PPARD: variants seen among roughly 807,000 people sequenced by gnomAD.
PPARD encodes the protein peroxisome proliferator-activated receptor delta.
PPARD carries 6 observed loss-of-function variants against 39.5 expected under a neutral mutation model. The ratio of observed to expected loss-of-function variants is 0.15; its 90% CI spans 0.08 to 0.30. The LOEUF (loss-of-function observed/expected upper bound fraction) is 0.30. Among genes scored for constraint, PPARD ranks in the 10% least tolerant of loss-of-function variants. The probability of loss-of-function intolerance (pLI) is 1.00; values close to 1 mark genes in which losing one functional copy is unlikely to be tolerated. For missense variants in PPARD, 397 were observed against 596.8 expected (o/e 0.67, Z 3.49); for synonymous variants, 210 against 231.3 (o/e 0.91, Z 0.83).
rs540687692 is a variant in PPARD, at chr6:35,377,871, C to CTTTTTTTTTTTTTTTTT, written c.-102+30732_-102+30733insTTTTTTTTTTTTTTTTT. 3.5e-4 allele frequency among the ~76,000 whole-genome samples: 42 copies of CTTTTTTTTTTTTTTTTT among 120,350 alleles called. 1 individual carries two copies. The highest frequency in any genetic ancestry group is 7.9e-4 in the African/African-American group (18 of 22,814). 79.0% of individuals were successfully genotyped at this position (120,350 alleles called of 152,430 possible). A position where few individuals can be genotyped will look rare whatever the true frequency, so the allele number is the denominator to read the frequency against. The stretch of plus-strand genomic sequence containing the variant: ...TGTGGGTCGCTGCTTGTTTACGTAT[C>CTTTTTTTTTTTTTTTTT]TTTTTTTTTTTGAGACAGAGTGTTG... On this transcript the variant is annotated intron_variant, in intron 2 of 7. Coordinates refer to ENST00000360694, the MANE Select transcript of PPARD (RefSeq NM_006238.5).
intron 3 of PPARD, among the ~76,000 whole-genome samples, chr6:35,414,878 C>T (rs1361369172): frequency 6.6e-6 from 1 of 152,156 alleles, no homozygotes; most frequent in Non-Finnish European, 1.5e-5. Flanking sequence ...AGATATTGAG[C>T]TCAACACCTG....
At chr6:35,399,243 T>TA (rs1347565687) in intron 2 of PPARD, among the ~76,000 whole-genome samples, 5 of 150,884 alleles carry the variant, frequency 3.3e-5, no homozygotes, top group African/African-American at 1.2e-4. Flanking sequence ...CTACTAAAAA[T>TA]ACAAAAATTA....
rs1187675194 is a variant in PPARD, at chr6:35,412,143, C to T, written c.130+926C>T. The stretch of plus-strand genomic sequence containing the variant: ...ATGGGGTTTCACCATGTTGGCCAGG[C>T]TGGTCTCGAACCGCTGGGCTCAAGC... On this transcript the variant is annotated intron_variant, in intron 3 of 7. Transcript: ENST00000360694. The surrounding 1 kb of genome is among the most constrained non-coding windows in gnomAD (Gnocchi z 4.1). 6.6e-6 allele frequency among the ~76,000 whole-genome samples: 1 copy of T among 152,122 alleles called. No homozygotes were observed. The highest frequency in any genetic ancestry group is 1.5e-5 in the Non-Finnish European group (1 of 68,020).
At chr6:35,345,564 C>T (rs1296072313) in intron 1 of PPARD, among the ~76,000 whole-genome samples, 2 of 152,194 alleles carry the variant, frequency 1.3e-5, no homozygotes, top group Admixed American at 6.5e-5. Context: ...ACTGACTGCT[C>T]GTTCAGGTGC....
At chr6:35,409,661 A>G (rs1286629874) in intron 2 of PPARD, among the ~76,000 whole-genome samples, 1 of 152,130 alleles carries the variant, frequency 6.6e-6, no homozygotes, top group Non-Finnish European at 1.5e-5. Flanking sequence ...TCACCCAGGT[A>G]CTAAGACTAG....
At chr6:35,351,081 A>G (rs113514495) in intron 2 of PPARD, among the ~76,000 whole-genome samples, 3,184 of 152,198 alleles carry the variant, frequency 0.021, 68 homozygotes, top group African/African-American at 0.051. Context: ...GCTGGAGTGC[A>G]GTGGCACAAT....
chr6:35,407,989 A>G (rs1765166517), intron 2 of PPARD, among the ~76,000 whole-genome samples: 1 of 152,188 alleles, frequency 6.6e-6, no homozygotes. Flanking sequence ...TCCGGCAATC[A>G]GTGCCTGGTA....
At chr6:35,377,019 C>CA (rs571968297) in intron 2 of PPARD, among the ~76,000 whole-genome samples, 6,351 of 117,520 alleles carry the variant, frequency 0.054, 338 homozygotes, top group East Asian at 0.33. Flanking sequence ...GACTCTGTCT[C>CA]AAAAAAAAAA....
Position 35,424,965 on chromosome 6 carries a change from T to C in PPARD, c.1078+186T>C, listed in dbSNP as rs553642217. ...AGCTCCATCTCATTATGTACGTAGA[T>C]AGAGGTGGAGACAGGAAAAAGACTA... On this transcript the variant is annotated intron_variant, in intron 7 of 7. Coordinates refer to ENST00000360694, the MANE Select transcript of PPARD (RefSeq NM_006238.5). This position sits in a 1 kb window ranked among gnomAD's most constrained non-coding sequence, Gnocchi z 7.1. The C allele has an allele frequency of 7.0e-6, 10 of 1,428,912 alleles. No individual in the cohort carries two copies. In the South Asian group the frequency reaches 1.2e-4, roughly 17 times the overall value. The allele number at this position is 1,428,912 out of a possible 1,614,324, so 88.5% of individuals were successfully genotyped here.
At chr6:35,386,826 G>A (rs1254982383) in intron 2 of PPARD, among the ~76,000 whole-genome samples, 1 of 152,032 alleles carries the variant, frequency 6.6e-6, no homozygotes, top group Non-Finnish European at 1.5e-5. Flanking sequence ...AGCACAGGAT[G>A]GTTTCTGGTC....
chr6:35,347,127 G>T lies in PPARD; in HGVS notation c.-125G>T. 3.3e-6 allele frequency: 5 copies of T among 1,536,140 alleles called. No homozygotes were observed. The highest frequency in any genetic ancestry group is 4.4e-6 in the Non-Finnish European group (5 of 1,146,908). ...ACACAGTGGCTTCTGCTCACCAACA[G>T]ATGAAGACAGATGCACCAACGAGGT... On this transcript the variant is annotated 5_prime_UTR_variant, in exon 2 of 8. Coordinates refer to ENST00000360694, the MANE Select transcript of PPARD (RefSeq NM_006238.5).
chr6:35,386,013 T>C (rs764040105), intron 2 of PPARD, among the ~76,000 whole-genome samples: 1 of 151,794 alleles, frequency 6.6e-6, no homozygotes, highest in Non-Finnish European at 1.5e-5. Context: ...CCTTATGAGG[T>C]TGGACTGTGA....
At chr6:35,418,589 G>T (rs767819897) in intron 3 of PPARD, among the ~76,000 whole-genome samples, 2 of 152,196 alleles carry the variant, frequency 1.3e-5, no homozygotes, top group African/African-American at 4.8e-5. Context: ...TATGTCAGGC[G>T]GTGACAAAGG....
At chr6:35,411,253 G>A (rs1765407323) in intron 3 of PPARD, 36 bp downstream of exon 3, 1 of 1,468,032 alleles carries the variant, frequency 6.8e-7, no homozygotes, top group South Asian at 1.4e-5. Flanking sequence ...CGGGGCAGAG[G>A]AGGCACAGCC....
At chr6:35,396,556 C>T (rs1581621260) in intron 2 of PPARD, among the ~76,000 whole-genome samples, 1 of 141,486 alleles carries the variant, frequency 7.1e-6, no homozygotes, top group Non-Finnish European at 1.5e-5. Flanking sequence ...AAAGGCCAGG[C>T]GTGGTGGCTC....
At chr6:35,410,505 C>T (rs1765355927) in intron 2 of PPARD, among the ~76,000 whole-genome samples, 1 of 152,214 alleles carries the variant, frequency 6.6e-6, no homozygotes, top group Non-Finnish European at 1.5e-5. Flanking sequence ...CACACCCAAC[C>T]ACTGAAAGGA....
chr6:35,358,164 G>A (rs1761728581), intron 2 of PPARD, among the ~76,000 whole-genome samples: 1 of 152,188 alleles, frequency 6.6e-6, no homozygotes, highest in African/African-American at 2.4e-5. Flanking sequence ...ATGAGTGGGG[G>A]CCAGAGAGAG....
At chr6:35,403,017 G>C (rs1251801945) in intron 2 of PPARD, among the ~76,000 whole-genome samples, 1 of 152,168 alleles carries the variant, frequency 6.6e-6, no homozygotes, top group Non-Finnish European at 1.5e-5. Context: ...ACCTGCATGT[G>C]GGGCGAGAAG....
chr6:35,356,660 A>G (rs1761630874), intron 2 of PPARD, among the ~76,000 whole-genome samples: 1 of 152,154 alleles, frequency 6.6e-6, no homozygotes, highest in Non-Finnish European at 1.5e-5. Flanking sequence ...CCTGGCTTCT[A>G]CACACTAAGT....
Sources: allele counts gnomAD v4.1 joint callset (sites outside exome capture counted in the v4.1 genomes callset), GRCh38; gene constraint gnomAD v4.1.1; non-coding constraint Gnocchi (gnomAD v3.1); transcripts MANE v1.5; gene names NCBI Gene and HGNC (gene_info 2026-07-23, HGNC 2026-07-21).